SPECC1: variants seen among roughly 807,000 people sequenced by gnomAD.
SPECC1 encodes the protein sperm antigen with calponin homology and coiled-coil domains 1.
Under a neutral mutation model 104.1 loss-of-function variants are expected in SPECC1, and 62 were observed. That is an observed-to-expected ratio of 0.60 (90% CI 0.49 to 0.74). SPECC1 has a LOEUF of 0.74. Ranked by LOEUF, SPECC1 falls within the 30% of genes least tolerant of loss-of-function variation. The pLI, the probability that SPECC1 is intolerant of heterozygous loss-of-function variation, is 0.00. For synonymous variants in SPECC1, 513 were observed against 501.6 expected (o/e 1.02, Z -0.30); for missense variants, 1,306 against 1,310.5 (o/e 1.00, Z 0.05).
At chr17:20,047,149 G>GAATGCTTGTGTTCTTTCATGTTGTA (rs1263136060) in intron 1 of SPECC1, among the ~76,000 whole-genome samples, 4 of 152,328 alleles carry the variant, frequency 2.6e-5, no homozygotes, top group Non-Finnish European at 4.4e-5. Flanking sequence ...TTGAGTATGA[G>GAATGCTTGTGTTCTTTCATGTTGTA]AATGCTTGTG....
chr17:20,306,072 A>C lies in SPECC1; in HGVS notation c.3107A>C (p.Lys1036Thr). ...GAAGCGGCTGAAAGTGTAGGCATCA[A>C]ACCCAGCCTGGTACGTATCCTATTT... is the stretch of plus-strand genomic sequence containing the variant. Reference protein sequence around the residue: ...AFEAAESVGIKPSLELSEMLY... With the variant: ...AFEAAESVGITPSLELSEMLY... Residue 1036 changes from lysine to threonine, a missense_variant, in exon 14 of 15, where the codon AAA becomes ACA. Coordinates refer to ENST00000395527, the MANE Select transcript of SPECC1 (RefSeq NM_001243439.2). The C allele has an allele frequency of 1.2e-6, 2 of 1,613,956 alleles. No homozygotes were observed. Among genetic ancestry groups the C allele is most frequent in the Non-Finnish European group, 1.7e-6 (2 of 1,179,932 alleles).
intron 1 of SPECC1, among the ~76,000 whole-genome samples, chr17:20,022,098 C>T (rs371684254): frequency 7.3e-5 from 11 of 151,474 alleles, no homozygotes; most frequent in Non-Finnish European, 1.5e-4. Flanking sequence ...CCCACCACTA[C>T]GCCTGGCTAA....
intron 7 of SPECC1, among the ~76,000 whole-genome samples, chr17:20,242,628 A>G (rs2039253036): frequency 6.6e-6 from 1 of 152,228 alleles, no homozygotes; most frequent in Non-Finnish European, 1.5e-5. Context: ...AAAATTTAGG[A>G]AGAAATACCA....
chr17:20,198,423 C>T (rs1003427910), intron 3 of SPECC1, among the ~76,000 whole-genome samples: 12 of 152,208 alleles, frequency 7.9e-5, no homozygotes, highest in African/African-American at 2.9e-4. Flanking sequence ...GTGGCTGCTC[C>T]TCAGTAGCAA....
intron 3 of SPECC1, among the ~76,000 whole-genome samples, chr17:20,193,947 T>C (rs2035836461): frequency 6.6e-6 from 1 of 152,150 alleles, no homozygotes; most frequent in African/African-American, 2.4e-5. Flanking sequence ...GTAGACTAAA[T>C]TGCAGAAACA....
At chr17:20,094,374 G>T (rs1030776410) in intron 1 of SPECC1, among the ~76,000 whole-genome samples, 1 of 152,182 alleles carries the variant, frequency 6.6e-6, no homozygotes, top group African/African-American at 2.4e-5. Context: ...CGACGCATTT[G>T]TTGCCAGAGA....
chr17:20,244,554 G>C (rs1442871014), intron 7 of SPECC1, among the ~76,000 whole-genome samples: 5 of 151,946 alleles, frequency 3.3e-5, no homozygotes, highest in African/African-American at 1.2e-4. Flanking sequence ...TGGTTTAACT[G>C]TTTTAAGTTC....
intron 7 of SPECC1, chr17:20,236,943 T>C: frequency 6.2e-7 from 1 of 1,612,528 alleles, no homozygotes; most frequent in African/African-American, 1.3e-5. Context: ...CGCAGCCATC[T>C]CTAGATGAAA....
At chr17:20,042,907 GT>G (rs2152454978) in intron 1 of SPECC1, among the ~76,000 whole-genome samples, 1 of 152,234 alleles carries the variant, frequency 6.6e-6, no homozygotes, top group Non-Finnish European at 1.5e-5. Context: ...TCTTATATTT[GT>G]TTTATATCTA....
At chr17:20,311,583 G>A (rs2041936367) in intron 14 of SPECC1, among the ~76,000 whole-genome samples, 1 of 152,052 alleles carries the variant, frequency 6.6e-6, no homozygotes, top group Non-Finnish European at 1.5e-5. Flanking sequence ...AGTAGAGACG[G>A]AGTTTCAACA....
At chr17:20,278,699 GTCTC>G (rs3072444) in intron 12 of SPECC1, among the ~76,000 whole-genome samples, 47 of 147,344 alleles carry the variant, frequency 3.2e-4, no homozygotes, top group Non-Finnish European at 3.7e-4. Context: ...GTGAGACCCT[GTCTC>G]TCTCTCTCTC....
chr17:20,285,785 C>T (rs1439587681), intron 12 of SPECC1, among the ~76,000 whole-genome samples: 2 of 151,244 alleles, frequency 1.3e-5, no homozygotes, highest in South Asian at 2.1e-4. Flanking sequence ...TTCTCTCTCC[C>T]CTTCCCTCCC....
intron 1 of SPECC1, among the ~76,000 whole-genome samples, chr17:20,082,061 C>T (rs1450562981): frequency 6.6e-6 from 1 of 152,214 alleles, no homozygotes; most frequent in African/African-American, 2.4e-5. Flanking sequence ...TTCTGGGCCT[C>T]CGCCATCCAC....
At chr17:20,050,311 T>C (rs962653374) in intron 1 of SPECC1, among the ~76,000 whole-genome samples, 1 of 152,196 alleles carries the variant, frequency 6.6e-6, no homozygotes, top group African/African-American at 2.4e-5. Flanking sequence ...TCCTGATGCC[T>C]ATCCTGCTGT....
At chr17:20,044,806 C>T (rs2045473452) in intron 1 of SPECC1, among the ~76,000 whole-genome samples, 1 of 152,096 alleles carries the variant, frequency 6.6e-6, no homozygotes. Context: ...GCAGAAGGCA[C>T]ATGAAAAGTA....
At chr17:20,220,968 C>A (rs762035737) in intron 4 of SPECC1, among the ~76,000 whole-genome samples, 3 of 151,470 alleles carry the variant, frequency 2.0e-5, no homozygotes, top group Admixed American at 2.0e-4. Flanking sequence ...TGGTTGATAC[C>A]ACATTGCATA....
chr17:20,314,137 A>C lies in SPECC1; in HGVS notation c.*72A>C. ...TCCTGGAAGCGCCTGATTACTGTCC[A>C]CTGACCCTGCTCTGCCCACCACCCA... On this transcript the variant is annotated 3_prime_UTR_variant, in exon 15 of 15. Transcript: ENST00000395527. 7.5e-7 allele frequency: 1 copy of C among 1,334,804 alleles called. No homozygotes were observed. The highest frequency in any genetic ancestry group is 1.2e-5 in the South Asian group (1 of 81,016). 82.7% of individuals were successfully genotyped at this position (1,334,804 alleles called of 1,614,324 possible). A position where few individuals can be genotyped will look rare whatever the true frequency, so the allele number is the denominator to read the frequency against.
intron 13 of SPECC1, among the ~76,000 whole-genome samples, chr17:20,304,117 CAAAAAAAAAAAAAA>C (rs774130653): frequency 1.5e-3 from 60 of 39,340 alleles, no homozygotes; most frequent in African/African-American, 4.5e-3. Context: ...ACTAAAAATA[CAAAAAAAAAAAAAA>C]AAAAAAAAAA....
intron 1 of SPECC1, among the ~76,000 whole-genome samples, chr17:20,046,551 ATGAG>A (rs1440893397): frequency 6.6e-6 from 1 of 152,176 alleles, no homozygotes; most frequent in Admixed American, 6.5e-5. Flanking sequence ...AATGTAATAA[ATGAG>A]TAAGTCTTAG....
Sources: gnomAD v4.1 joint callset for allele counts (sites outside exome capture counted in the v4.1 genomes callset) on GRCh38, gnomAD v4.1.1 for gene constraint, MANE v1.5 for transcripts, NCBI Gene and HGNC (gene_info 2026-07-23, HGNC 2026-07-21) for gene names.